The following NLGN4X variants were observed in gnomAD, a reference collection of about 807,000 sequenced individuals.
NLGN4X encodes neuroligin-4, X-linked.
In NLGN4X, 3 loss-of-function variants were observed where a neutral mutation model predicts 40.3. The ratio of observed to expected loss-of-function variants is 0.07; its 90% CI spans 0.03 to 0.19. NLGN4X has a LOEUF of 0.19. Among genes scored for constraint, NLGN4X ranks in the 10% least tolerant of loss-of-function variants. The pLI is 1.00. For synonymous variants in NLGN4X, 270 were observed against 306.8 expected (o/e 0.88, Z 1.25); for missense variants, 382 against 708.3 (o/e 0.54, Z 5.23).
chrX:6,115,321 C>T (rs1285951251), intron 2 of NLGN4X, among the ~76,000 whole-genome samples: 1 of 111,268 alleles, frequency 9.0e-6, no homozygotes, highest in Admixed American at 9.5e-5. Context: ...TCATGTTGTG[C>T]CTTGGGAATA....
At chrX:6,212,988 A>G (rs1311016831) in intron 1 of NLGN4X, among the ~76,000 whole-genome samples, 1 of 111,872 alleles carries the variant, frequency 8.9e-6, no homozygotes, top group Non-Finnish European at 1.9e-5. Flanking sequence ...TAATTTATCG[A>G]TATTCCACCA....
At chrX:6,095,925 G>A (rs1236672272) in intron 2 of NLGN4X, among the ~76,000 whole-genome samples, 1 of 112,189 alleles carries the variant, frequency 8.9e-6, no homozygotes, top group Non-Finnish European at 1.9e-5. Flanking sequence ...CCTGTTTATA[G>A]CCGCTACATC....
chrX:6,133,509 T>C (rs1465853887), intron 2 of NLGN4X, among the ~76,000 whole-genome samples: 1 of 112,158 alleles, frequency 8.9e-6, no homozygotes, highest in Non-Finnish European at 1.9e-5. Context: ...TTTTCCTAAT[T>C]GGTTTTTAAT....
Position 5,890,813 on chromosome X carries a change from C to T in NLGN4X, c.*2004G>A, listed in dbSNP as rs2031118569. The T allele has an allele frequency of 3.3e-6, 1 of 304,699 alleles. No individual in the cohort carries two copies. The highest frequency in any genetic ancestry group is 6.2e-6 in the Non-Finnish European group (1 of 161,178). The allele number at this position is 304,699 out of a possible 1,213,427, so 25.1% of individuals were successfully genotyped here. On this transcript the variant is annotated 3_prime_UTR_variant, in exon 6 of 6. Transcript: ENST00000381095. Reference sequence around the variant, plus strand: ...GATAAGCAATAGGATTTGGGGGTGACTTGTACGCATTTCTAAAAACACTTT... The same window carrying T: ...GATAAGCAATAGGATTTGGGGGTGATTTGTACGCATTTCTAAAAACACTTT...
At position 5,935,116 on chromosome X, in the gene NLGN4X, T is replaced by C. The variant is rs769707856; in HGVS notation, c.626-25877A>G. 4.5e-5 allele frequency among the ~76,000 whole-genome samples: 5 copies of C among 111,801 alleles called. No homozygotes were observed. The South Asian group carries it at 1.5e-3, about 34-fold the overall frequency. Reference sequence around the variant, plus strand: ...TGTTTTGTACAGAGATAGAAAAAAATGATTAATATCTAACAACAAATACAA... The same window carrying C: ...TGTTTTGTACAGAGATAGAAAAAAACGATTAATATCTAACAACAAATACAA... On this transcript the variant is annotated intron_variant, in intron 3 of 5. Transcript: ENST00000381095.
Position 5,891,282 on chromosome X carries a change from C to G in NLGN4X, c.*1535G>C, listed in dbSNP as rs1254539087. On this transcript the variant is annotated 3_prime_UTR_variant, in exon 6 of 6. Coordinates refer to ENST00000381095, the MANE Select transcript of NLGN4X (RefSeq NM_181332.3). ...AATTTCCCAGAAAACCCATGCAAAG[C>G]AGTTTTAATATTCTATCCTTTCTTC... 4.3e-6 allele frequency: 1 copy of G among 235,089 alleles called. No individual in the cohort carries two copies. The highest frequency in any genetic ancestry group is 7.7e-6 in the Non-Finnish European group (1 of 130,472). 19.4% of individuals were successfully genotyped at this position (235,089 alleles called of 1,213,427 possible). A position where few individuals can be genotyped will look rare whatever the true frequency, so the allele number is the denominator to read the frequency against.
chrX:5,925,978 C>T (rs189810923), intron 3 of NLGN4X, among the ~76,000 whole-genome samples: 1 of 92,007 alleles, frequency 1.1e-5, no homozygotes, highest in East Asian at 3.9e-4. Context: ...TCCTAGATCT[C>T]TTATTGATAT....
intron 2 of NLGN4X, among the ~76,000 whole-genome samples, chrX:6,053,151 C>T (rs1282956371): frequency 8.9e-6 from 1 of 111,784 alleles, no homozygotes; most frequent in Non-Finnish European, 1.9e-5. Context: ...ACTGAAGCTG[C>T]GCTGTCTGCC....
intron 1 of NLGN4X, among the ~76,000 whole-genome samples, chrX:6,204,228 A>G (rs1032095306): frequency 3.6e-5 from 4 of 112,425 alleles, no homozygotes; most frequent in African/African-American, 1.3e-4. Flanking sequence ...TTCGTTTGAG[A>G]AGCCATATAC....
chrX:6,184,444 T>C (rs1270070053), intron 1 of NLGN4X, among the ~76,000 whole-genome samples: 2 of 107,715 alleles, frequency 1.9e-5, no homozygotes, highest in Admixed American at 2.1e-4. Context: ...ATATAGCAGC[T>C]AAAACAGTAG....
chrX:6,134,883 G>A (rs1041811291), intron 2 of NLGN4X, among the ~76,000 whole-genome samples: 2 of 112,683 alleles, frequency 1.8e-5, no homozygotes, highest in Non-Finnish European at 3.8e-5. Context: ...TTCCTTGTGA[G>A]AGAACTGGAA....
In NLGN4X at chrX:5,963,107, A is replaced by T. The variant is rs748597978; in HGVS notation, c.626-53868T>A. On this transcript the variant is annotated intron_variant, in intron 3 of 5. Transcript: ENST00000381095. ...AAGTTTTGAAGTGTATGCTAGACAC[A>T]GCCTACGTTGCCATGAATAGACCTT... Among the ~76,000 whole-genome samples the T allele has an allele frequency of 8.6e-3, 946 of 110,585 alleles. 9 individuals carry two copies. The highest frequency in any genetic ancestry group is 0.03 in the African/African-American group (913 of 30,361).
intron 2 of NLGN4X, among the ~76,000 whole-genome samples, chrX:6,068,335 T>C (rs753965188): frequency 5.0e-4 from 56 of 111,413 alleles, no homozygotes; most frequent in Non-Finnish European, 8.1e-4. Context: ...AGTGGGGTCC[T>C]GACAAAAGCA....
chrX:6,162,486 G>A (rs2040420361), intron 1 of NLGN4X, among the ~76,000 whole-genome samples: 1 of 111,501 alleles, frequency 9.0e-6, no homozygotes, highest in Non-Finnish European at 1.9e-5. Flanking sequence ...GACTAGACTA[G>A]CTTAGCCTCT....
chrX:6,125,796 C>A lies in NLGN4X; in HGVS notation c.472+25199G>T, dbSNP rs1310214240. 2.7e-5 allele frequency among the ~76,000 whole-genome samples: 3 copies of A among 111,245 alleles called. No homozygotes were observed. The East Asian group carries it at 8.4e-4, about 31-fold the overall frequency. On this transcript the variant is annotated intron_variant, in intron 2 of 5. Coordinates refer to ENST00000381095, the MANE Select transcript of NLGN4X (RefSeq NM_181332.3). ...ACAATTAAAGAAAGCTACCCAAATC[C>A]TTTTGTATGGACAGTTTAACATTCA...
intron 2 of NLGN4X, among the ~76,000 whole-genome samples, chrX:6,082,148 T>C (rs1569226740): frequency 8.9e-6 from 1 of 112,379 alleles, no homozygotes; most frequent in Non-Finnish European, 1.9e-5. Context: ...ATATTCTGTA[T>C]TTTGGCAAAC....
intron 2 of NLGN4X, among the ~76,000 whole-genome samples, chrX:6,121,188 C>T (rs972670955): frequency 2.8e-5 from 3 of 107,483 alleles, no homozygotes; most frequent in African/African-American, 6.8e-5. Flanking sequence ...ACATATATAT[C>T]GCCTCAATGG....
intron 3 of NLGN4X, among the ~76,000 whole-genome samples, chrX:5,954,626 CTG>C (rs1269341336): frequency 2.0e-4 from 19 of 93,324 alleles, no homozygotes; most frequent in African/African-American, 8.0e-4. Flanking sequence ...CTGTCTCTCT[CTG>C]TCTCTGTCTC....
At chrX:5,906,414 T>C (rs2032179598) in intron 4 of NLGN4X, among the ~76,000 whole-genome samples, 1 of 112,111 alleles carries the variant, frequency 8.9e-6, no homozygotes, top group African/African-American at 3.2e-5. Flanking sequence ...ATCTTGCCAA[T>C]GAAGACACTG....
Sources: allele counts gnomAD v4.1 joint callset (sites outside exome capture counted in the v4.1 genomes callset), GRCh38; gene constraint gnomAD v4.1.1; transcripts MANE v1.5; gene names NCBI Gene and HGNC (gene_info 2026-07-23, HGNC 2026-07-21).